HTT: variants seen among roughly 807,000 people sequenced by gnomAD.
HTT encodes the protein huntingtin, also known as huntington disease protein.
In HTT, 104 loss-of-function variants were observed where a neutral mutation model predicts 362.3. The observed-to-expected ratio is 0.29, with a 90% CI of 0.24 to 0.34. The LOEUF (loss-of-function observed/expected upper bound fraction) is 0.34, where lower values mean the gene tolerates loss of function less well. HTT is among the 10% of genes least tolerant of loss of function. The pLI is 1.00. For missense variants in HTT, 3,301 were observed against 3,928.6 expected (o/e 0.84, Z 4.27); for synonymous variants, 1,577 against 1,548.7 (o/e 1.02, Z -0.43).
intron 28 of HTT, among the ~76,000 whole-genome samples, chr4:3,159,961 A>G (rs1383426370): frequency 6.6e-6 from 1 of 152,248 alleles, no homozygotes; most frequent in Non-Finnish European, 1.5e-5. Flanking sequence ...GATATACCAC[A>G]TACCAGATAC....
chr4:3,127,986 G>A (rs962693719), intron 12 of HTT, among the ~76,000 whole-genome samples: 2 of 151,866 alleles, frequency 1.3e-5, no homozygotes, highest in African/African-American at 4.8e-5. Flanking sequence ...AAAATAAAGT[G>A]CAGTGGCTCG....
intron 14 of HTT, among the ~76,000 whole-genome samples, 160 bp from the exon 15 acceptor site, chr4:3,131,126 G>A (rs1283715591): frequency 2.0e-5 from 3 of 151,910 alleles, no homozygotes; most frequent in South Asian, 2.1e-4. Context: ...GCTTGGCCAT[G>A]GTCTCTGTGA....
chr4:3,078,380 A>G (rs34524215), intron 1 of HTT, among the ~76,000 whole-genome samples: 1 of 152,228 alleles, frequency 6.6e-6, no homozygotes, highest in Non-Finnish European at 1.5e-5. Context: ...AGTAAAATAT[A>G]CAGTACGTTA....
At chr4:3,229,739 C>T (rs1392709901) in intron 59 of HTT, 148 bp from the exon 60 acceptor site, 1 of 845,464 alleles carries the variant, frequency 1.2e-6, no homozygotes, top group Non-Finnish European at 1.9e-6. Context: ...CACACGCATA[C>T]ACCACACACA....
chr4:3,082,041 C>A (rs1425781714), intron 1 of HTT, among the ~76,000 whole-genome samples: 2 of 152,126 alleles, frequency 1.3e-5, no homozygotes, highest in Admixed American at 1.3e-4. Flanking sequence ...GTGTCTTCTT[C>A]CCAGATTTTA....
At chr4:3,236,118 G>T in intron 63 of HTT, 31 bp from the exon 64 acceptor site, 1 of 1,505,628 alleles carries the variant, frequency 6.6e-7, no homozygotes, top group East Asian at 2.3e-5. Context: ...TTGTATAGAG[G>T]TAACCTTCGT....
At chr4:3,231,854 G>A (rs1346722116) in intron 60 of HTT, among the ~76,000 whole-genome samples, 1 of 152,164 alleles carries the variant, frequency 6.6e-6, no homozygotes, top group East Asian at 1.9e-4. Context: ...GGCAAGTGTT[G>A]TGCCATCAGT....
chr4:3,178,536 T>A, intron 35 of HTT, 90 bp downstream of exon 35: 2 of 1,131,486 alleles, frequency 1.8e-6, no homozygotes, highest in Non-Finnish European at 2.6e-6. Flanking sequence ...ACGTTGTCAG[T>A]GGCAGCCATG....
At chr4:3,149,809 CT>C (rs1320155565) in intron 26 of HTT, among the ~76,000 whole-genome samples, 1 of 152,208 alleles carries the variant, frequency 6.6e-6, no homozygotes, top group Non-Finnish European at 1.5e-5. Context: ...GTTTGCAAGG[CT>C]TCTTTGGCTC....
chr4:3,133,340 A>G (rs977134146), intron 18 of HTT, among the ~76,000 whole-genome samples: 2 of 151,320 alleles, frequency 1.3e-5, no homozygotes, highest in Admixed American at 1.3e-4. Context: ...AAAAAAAAAA[A>G]AAAGTAGCTG....
intron 46 of HTT, 49 bp from the exon 47 acceptor site, chr4:3,209,778 C>T: frequency 6.2e-7 from 1 of 1,606,170 alleles, no homozygotes. Flanking sequence ...TGTGAAGTCC[C>T]CTTGAACGCC....
At chr4:3,097,686 G>GC (rs1315693707) in intron 2 of HTT, among the ~76,000 whole-genome samples, 37 of 152,232 alleles carry the variant, frequency 2.4e-4, no homozygotes, top group African/African-American at 8.9e-4. Flanking sequence ...ACAACTTTAT[G>GC]CCAATAAATT....
chr4:3,237,027 A>G (rs3775061), intron 64 of HTT, among the ~76,000 whole-genome samples: 37,135 of 150,986 alleles, frequency 0.25, 5,745 homozygotes, highest in East Asian at 0.39. Context: ...CAGATGAGGC[A>G]TTCTGAACAG....
At chr4:3,239,116 A>G (rs1721684789) in intron 66 of HTT, 138 bp downstream of exon 66, 1 of 902,920 alleles carries the variant, frequency 1.1e-6, no homozygotes, top group East Asian at 2.7e-5. Flanking sequence ...GCCCCAGGGA[A>G]GTAAAATGCT....
At chr4:3,173,556 A>G (rs1303070220) in intron 31 of HTT, among the ~76,000 whole-genome samples, 3 of 152,248 alleles carry the variant, frequency 2.0e-5, no homozygotes, top group African/African-American at 2.4e-5. Flanking sequence ...GAACAGCTTC[A>G]TAGCAGCACA....
chr4:3,133,315 A>G (rs1422064246), intron 18 of HTT, among the ~76,000 whole-genome samples: 1 of 148,404 alleles, frequency 6.7e-6, no homozygotes, highest in Non-Finnish European at 1.5e-5. Context: ...CCCTGTCCCT[A>G]CAGAAAATTA....
At chr4:3,144,155 G>T (rs1716486903) in intron 23 of HTT, among the ~76,000 whole-genome samples, 1 of 152,050 alleles carries the variant, frequency 6.6e-6, no homozygotes. Flanking sequence ...TCTCACACTG[G>T]CAGATAATCA....
rs201984832 is a variant in HTT, at chr4:3,096,025, A to G, written c.348-3249A>G. Among the ~76,000 whole-genome samples, 3 of 152,258 alleles carry G rather than the reference A, an allele frequency of 2.0e-5. No individual in the cohort carries two copies. The East Asian group carries it at 5.8e-4, about 29-fold the overall frequency. On this transcript the variant is annotated intron_variant, in intron 2 of 66. Transcript: ENST00000355072. ...AAGGCAAAAATAACCTACAGGTAACAGAACGGAAAGAAGTTCACTGTGCTT... is the reference window on the plus strand; with the variant it reads ...AAGGCAAAAATAACCTACAGGTAACGGAACGGAAAGAAGTTCACTGTGCTT...
rs374644521 is a variant in HTT at position 3,180,554 on chromosome 4, T to C, written c.4652T>C (p.Val1551Ala). 3.2e-5 allele frequency: 51 copies of C among 1,613,154 alleles called. No individual in the cohort carries two copies. Among genetic ancestry groups the C allele is most frequent in the Non-Finnish European group, 4.0e-5 (47 of 1,179,688 alleles). Residue 1551 changes from valine to alanine, a missense_variant, in exon 36 of 67, where the codon GTA (valine) becomes GCA (alanine). This residue lies in a region of HTT where 2,316 missense variants were observed against 2,658.5 expected (regional missense o/e 0.87). Transcript: ENST00000355072. ...ALQPIVHDLFVLRGTNKADAG... is the reference protein window; with the variant it reads ...ALQPIVHDLFALRGTNKADAG... ...CAGCCCATAGTCCACGACCTCTTTGTATTAAGAGGAACAAATAAAGCTGAT... is the reference window on the plus strand; with the variant it reads ...CAGCCCATAGTCCACGACCTCTTTGCATTAAGAGGAACAAATAAAGCTGAT...
Sources: allele counts gnomAD v4.1 joint callset (sites outside exome capture counted in the v4.1 genomes callset), GRCh38; gene constraint gnomAD v4.1.1; regional missense constraint gnomAD v4.1.1; transcripts MANE v1.5; gene names NCBI Gene and HGNC (gene_info 2026-07-23, HGNC 2026-07-21).